Variants in SNTG1 observed in about 807,000 individuals in gnomAD.
The protein encoded by SNTG1 is gamma-1-syntrophin.
A neutral mutation model predicts 74.7 loss-of-function variants in SNTG1; 39 were observed. The observed-to-expected ratio is 0.52, with a 90% CI of 0.40 to 0.68. The LOEUF is 0.68. Ranked by LOEUF, SNTG1 falls within the 30% of genes least tolerant of loss-of-function variation. The probability of loss-of-function intolerance (pLI) is 0.00; values close to 1 mark genes in which losing one functional copy is unlikely to be tolerated. For missense variants in SNTG1, 685 were observed against 609.5 expected, an observed-to-expected ratio of 1.12 and a Z score of -1.30; for synonymous variants, 254 against 217.1, an observed-to-expected ratio of 1.17 and a Z score of -1.49.
chr8:50,670,770 T>A (rs1437180696), intron 15 of SNTG1, among the ~76,000 whole-genome samples: 1 of 149,564 alleles, frequency 6.7e-6, no homozygotes, highest in Non-Finnish European at 1.5e-5. Flanking sequence ...GCTGGAGGCA[T>A]CACGCTACCT....
At chr8:50,115,948 A>G (rs1335567551) in intron 1 of SNTG1, among the ~76,000 whole-genome samples, 2 of 152,206 alleles carry the variant, frequency 1.3e-5, no homozygotes, top group East Asian at 3.9e-4. Flanking sequence ...AGCAGTCCCA[A>G]GGTCATGTCA....
intron 4 of SNTG1, among the ~76,000 whole-genome samples, chr8:50,435,688 C>T (rs2093294568): frequency 6.6e-6 from 1 of 152,160 alleles, no homozygotes; most frequent in Non-Finnish European, 1.5e-5. Flanking sequence ...TCCTAACTTT[C>T]TTAAAAGTAA....
intron 11 of SNTG1, among the ~76,000 whole-genome samples, chr8:50,548,021 C>G (rs16915003): frequency 0.017 from 2,634 of 152,216 alleles, 63 homozygotes; most frequent in African/African-American, 0.059. Flanking sequence ...AATACCTGCT[C>G]CTGTGAGGGT....
intron 4 of SNTG1, among the ~76,000 whole-genome samples, chr8:50,433,677 A>T (rs980709881): frequency 2.0e-5 from 3 of 152,170 alleles, no homozygotes; most frequent in Admixed American, 2.0e-4. Context: ...TGTGATAATT[A>T]CTTAGAATAA....
At chr8:50,072,489 C>A (rs1002829990) in intron 1 of SNTG1, among the ~76,000 whole-genome samples, 1 of 152,022 alleles carries the variant, frequency 6.6e-6, no homozygotes, top group Non-Finnish European at 1.5e-5. Context: ...GGCGTTTTAA[C>A]CAGAAACATA....
chr8:50,366,005 A>C (rs1337086713), intron 2 of SNTG1, among the ~76,000 whole-genome samples: 5 of 152,166 alleles, frequency 3.3e-5, no homozygotes, highest in Non-Finnish European at 5.9e-5. Flanking sequence ...TTAAACACCC[A>C]AATTAATTGG....
intron 1 of SNTG1, among the ~76,000 whole-genome samples, chr8:50,128,876 G>T (rs563129327): frequency 4.4e-4 from 67 of 151,908 alleles, no homozygotes; most frequent in African/African-American, 1.5e-3. Flanking sequence ...TCATAATTTG[G>T]ACATACAAAT....
intron 1 of SNTG1, among the ~76,000 whole-genome samples, chr8:50,002,362 T>G (rs2630549): frequency 6.6e-6 from 1 of 152,204 alleles, no homozygotes; most frequent in African/African-American, 2.4e-5. Context: ...ATAAGAGTGG[T>G]ATCTCTTATT....
At chr8:50,477,585 G>A (rs563311226) in intron 8 of SNTG1, among the ~76,000 whole-genome samples, 1 of 152,094 alleles carries the variant, frequency 6.6e-6, no homozygotes, top group Non-Finnish European at 1.5e-5. Flanking sequence ...TGAGATCCTG[G>A]AACTAGAATA....
chr8:50,390,303 G>C (rs566392338), intron 2 of SNTG1, among the ~76,000 whole-genome samples: 2 of 152,260 alleles, frequency 1.3e-5, no homozygotes, highest in African/African-American at 4.8e-5. Flanking sequence ...TCTACATATA[G>C]CTAGCCAGTT....
chr8:49,977,600 A>G (rs939258211), intron 1 of SNTG1, among the ~76,000 whole-genome samples: 1 of 152,236 alleles, frequency 6.6e-6, no homozygotes, highest in African/African-American at 2.4e-5. Context: ...GAGGCTAGGC[A>G]TGTGGCCTGG....
At chr8:50,564,980 G>A (rs1305640051) in intron 12 of SNTG1, among the ~76,000 whole-genome samples, 4 of 151,990 alleles carry the variant, frequency 2.6e-5, no homozygotes, top group Non-Finnish European at 5.9e-5. Context: ...ACTGCAGCTG[G>A]GTGGTTAACG....
chr8:50,701,902 A>G (rs769144165), intron 15 of SNTG1, among the ~76,000 whole-genome samples: 12 of 148,936 alleles, frequency 8.1e-5, no homozygotes, highest in Non-Finnish European at 1.6e-4. Context: ...CCACGCTGGA[A>G]TGCAGTGGCA....
chr8:50,134,344 A>C (rs1449938893), intron 1 of SNTG1, among the ~76,000 whole-genome samples: 1 of 152,224 alleles, frequency 6.6e-6, no homozygotes, highest in African/African-American at 2.4e-5. Context: ...GCCAATGCCT[A>C]TGAAAAGAGC....
intron 2 of SNTG1, among the ~76,000 whole-genome samples, chr8:50,210,969 A>G (rs1027159607): frequency 1.3e-5 from 2 of 152,120 alleles, no homozygotes; most frequent in Non-Finnish European, 2.9e-5. Flanking sequence ...AGTGCAAAAT[A>G]CCCCTGCAAT....
In SNTG1 at chr8:50,074,892, C is replaced by T. The variant is rs28760868; in HGVS notation, c.-102-97669C>T. ...ACCTGAGGGAACCGGGGCTGTGCCC[C>T]GGCCGCACTCGCGGCGCACGCGAGT... On this transcript the variant is annotated intron_variant, in intron 1 of 18. Transcript: ENST00000642720. 3.7e-3 allele frequency among the ~76,000 whole-genome samples: 559 copies of T among 152,266 alleles called. 2 individuals are homozygous for T. The highest frequency in any genetic ancestry group is 0.013 in the African/African-American group (537 of 41,570).
At chr8:50,317,791 C>A (rs1016428119) in intron 2 of SNTG1, among the ~76,000 whole-genome samples, 2 of 152,148 alleles carry the variant, frequency 1.3e-5, no homozygotes, top group Admixed American at 6.5e-5. Flanking sequence ...TTTCAAAATG[C>A]AGATTAAGTA....
intron 1 of SNTG1, among the ~76,000 whole-genome samples, chr8:50,023,603 T>G (rs1817012836): frequency 6.6e-6 from 1 of 152,100 alleles, no homozygotes; most frequent in Non-Finnish European, 1.5e-5. Flanking sequence ...TCCTGAAATT[T>G]TAGTAGGCTG....
At chr8:50,248,979 CA>C (rs1248610428) in intron 2 of SNTG1, among the ~76,000 whole-genome samples, 1 of 152,100 alleles carries the variant, frequency 6.6e-6, no homozygotes, top group East Asian at 1.9e-4. Context: ...AAGGTAACAT[CA>C]AAATTCCTGT....
Sources: allele counts gnomAD v4.1 joint callset (sites outside exome capture counted in the v4.1 genomes callset), GRCh38; gene constraint gnomAD v4.1.1; transcripts MANE v1.5; gene names NCBI Gene and HGNC (gene_info 2026-07-23, HGNC 2026-07-21).